Variants in SLC1A4 observed in about 807,000 individuals in gnomAD.
The protein encoded by SLC1A4 is neutral amino acid transporter A.
SLC1A4 carries 19 observed loss-of-function variants against 37.7 expected under a neutral mutation model. The ratio of observed to expected loss-of-function variants is 0.50; its 90% CI spans 0.35 to 0.74. The LOEUF is 0.74. SLC1A4 is among the 30% of genes least tolerant of loss of function. SLC1A4 has a pLI of 0.01. For synonymous variants in SLC1A4, 299 were observed against 309.8 expected (o/e 0.97, Z 0.37); for missense variants, 570 against 712.9 (o/e 0.80, Z 2.28).
At chr2:65,004,888 A>C (rs1296761496) in intron 3 of SLC1A4, among the ~76,000 whole-genome samples, 2 of 152,212 alleles carry the variant, frequency 1.3e-5, no homozygotes, top group Non-Finnish European at 2.9e-5. Flanking sequence ...TTTGAAATAC[A>C]TGCTAAATAA....
chr2:65,021,497 A>C lies in SLC1A4; in HGVS notation c.*351A>C. On this transcript the variant is annotated 3_prime_UTR_variant, in exon 8 of 8. Coordinates refer to ENST00000234256, the MANE Select transcript of SLC1A4 (RefSeq NM_003038.5). ...CTTGGAAAAAATGCAGATGTATTTC[A>C]CTCTCCCCGGTCAGCTCTGCATCAG... 1 of 255,378 alleles carries C rather than the reference A, an allele frequency of 3.9e-6. No individual in the cohort carries two copies. Among genetic ancestry groups the C allele is most frequent in the Non-Finnish European group, 7.5e-6 (1 of 132,620 alleles). The allele number at this position is 255,378 out of a possible 1,614,324, so 15.8% of individuals were successfully genotyped here.
chr2:64,989,184 C>T (rs1241419926), upstream of SLC1A4, among the ~76,000 whole-genome samples: 1 of 151,616 alleles, frequency 6.6e-6, no homozygotes, highest in Admixed American at 6.6e-5. Flanking sequence ...CCCGCGGCCT[C>T]GGGTGGAGCC....
chr2:65,016,381 C>T, intron 4 of SLC1A4, 59 bp from the exon 5 acceptor site: 1 of 1,341,182 alleles, frequency 7.5e-7, no homozygotes, highest in Non-Finnish European at 1.1e-6. Flanking sequence ...CAGGAAGGAC[C>T]TGCATCTCTC....
chr2:65,019,245 T>G (rs908949996), intron 7 of SLC1A4, among the ~76,000 whole-genome samples: 1 of 152,210 alleles, frequency 6.6e-6, no homozygotes, highest in Non-Finnish European at 1.5e-5. Flanking sequence ...TGATACCTTT[T>G]GCAGGCATGA....
At chr2:65,004,832 G>A (rs1238467977) in intron 3 of SLC1A4, among the ~76,000 whole-genome samples, 1 of 152,090 alleles carries the variant, frequency 6.6e-6, no homozygotes, top group Admixed American at 6.6e-5. Context: ...TGAGATAGAA[G>A]TCAACTAAAT....
Position 65,018,592 on chromosome 2 carries a change from G to C in SLC1A4, c.1277G>C (p.Gly426Ala). 4 of 1,614,210 alleles carry C rather than the reference G, an allele frequency of 2.5e-6. No individual in the cohort carries two copies. The South Asian group carries it at 3.3e-5, about 13-fold the overall frequency. The change falls in exon 7 of 8, where the codon GGA (glycine) becomes GCA (alanine). Residue 426 changes from glycine (G) to alanine (A), a missense_variant. By Grantham distance (60) the Gly-to-Ala change is moderately conservative (BLOSUM62 0). Transcript: ENST00000234256. This position sits in a 1 kb window ranked among gnomAD's most constrained non-coding sequence, Gnocchi z 4.3. Reference sequence around the variant, plus strand: ...GTTGGAGCAGCAGGCGTGCCAGCTGGAGGGGTCCTCACCATTGCCATTATC... The same window carrying C: ...GTTGGAGCAGCAGGCGTGCCAGCTGCAGGGGTCCTCACCATTGCCATTATC... ...SSVGAAGVPA[G>A]GVLTIAIILE...
In SLC1A4 at chr2:65,022,277, T is replaced by G. The variant is rs1280583144; in HGVS notation, c.*1131T>G. 6.6e-6 allele frequency: 1 copy of G among 152,260 alleles called. No individual in the cohort carries two copies. The highest frequency in any genetic ancestry group is 1.5e-5 in the Non-Finnish European group (1 of 68,038). 9.4% of individuals were successfully genotyped at this position (152,260 alleles called of 1,614,324 possible). On this transcript the variant is annotated 3_prime_UTR_variant, in exon 8 of 8. Transcript: ENST00000234256. Reference sequence around the variant, plus strand: ...GCCAGTACATCCAAGTTTAAAATTATCAGCGAAATGGTCCATGTTTTTCCA... The same window carrying G: ...GCCAGTACATCCAAGTTTAAAATTAGCAGCGAAATGGTCCATGTTTTTCCA...
intron 2 of SLC1A4, among the ~76,000 whole-genome samples, chr2:65,001,813 C>CT (rs567354000): frequency 5.3e-5 from 8 of 152,130 alleles, no homozygotes; most frequent in Non-Finnish European, 7.4e-5. Flanking sequence ...ACACTTTTAT[C>CT]TTTTTTTCTG....
At chr2:64,998,935 G>C (rs999567593) in intron 1 of SLC1A4, among the ~76,000 whole-genome samples, 6 of 152,180 alleles carry the variant, frequency 3.9e-5, no homozygotes, top group African/African-American at 1.4e-4. Flanking sequence ...CATGGAAAGA[G>C]AAACTTAGAG....
intron 1 of SLC1A4, among the ~76,000 whole-genome samples, chr2:64,998,542 G>A (rs916260627): frequency 4.6e-5 from 7 of 152,142 alleles, no homozygotes; most frequent in Non-Finnish European, 8.8e-5. Context: ...TTGGGGGGCA[G>A]AAGTTGCTCT....
upstream of SLC1A4, among the ~76,000 whole-genome samples, chr2:64,988,970 G>A (rs1672914625): frequency 6.6e-6 from 1 of 152,148 alleles, no homozygotes; most frequent in South Asian, 2.1e-4. Flanking sequence ...TCCTCAGGAG[G>A]AGGAACGCCG....
rs1433278795 is a variant in SLC1A4 at position 65,018,901 on chromosome 2, AC to A, written c.1364+224del. The stretch of plus-strand genomic sequence containing the variant: ...CCAGGAATGACCATGAGATGTCATT[AC>A]CAAGAACTTGCTTATAGCATCCAGT... On this transcript the variant is annotated intron_variant, in intron 7 of 7. Transcript: ENST00000234256. The surrounding 1 kb of genome is among the most constrained non-coding windows in gnomAD (Gnocchi z 4.3). 6.6e-6 allele frequency among the ~76,000 whole-genome samples: 1 copy of A among 152,234 alleles called. No homozygotes were observed. The highest frequency in any genetic ancestry group is 1.5e-5 in the Non-Finnish European group (1 of 68,042).
At chr2:65,019,231 C>G (rs1674311538) in intron 7 of SLC1A4, among the ~76,000 whole-genome samples, 1 of 152,198 alleles carries the variant, frequency 6.6e-6, no homozygotes, top group Non-Finnish European at 1.5e-5. Flanking sequence ...TTCCTTGAGT[C>G]ACATGATACC....
chr2:65,008,282 C>G (rs1349517994), intron 3 of SLC1A4, among the ~76,000 whole-genome samples: 4 of 152,194 alleles, frequency 2.6e-5, no homozygotes. Context: ...TCTCCCCCAG[C>G]TTTCAGCTAT....
chr2:65,014,793 T>C (rs758691298), intron 4 of SLC1A4, among the ~76,000 whole-genome samples: 1 of 152,264 alleles, frequency 6.6e-6, no homozygotes, highest in African/African-American at 2.4e-5. Flanking sequence ...CCACAAAGTA[T>C]GTTTGCAGTG....
At chr2:65,001,770 TG>T (rs1673466243) in intron 2 of SLC1A4, among the ~76,000 whole-genome samples, 3 of 152,246 alleles carry the variant, frequency 2.0e-5, no homozygotes, top group Admixed American at 6.5e-5. Context: ...ATTTTGGGGA[TG>T]TCTTAAATAT....
At chr2:65,008,426 C>A (rs1673770836) in intron 3 of SLC1A4, among the ~76,000 whole-genome samples, 1 of 152,064 alleles carries the variant, frequency 6.6e-6, no homozygotes, top group Non-Finnish European at 1.5e-5. Context: ...TCACTTAAGC[C>A]CAGGAGTTTG....
chr2:65,001,509 C>T lies in SLC1A4; in HGVS notation c.570+19C>T. On this transcript the variant is annotated intron_variant, in intron 2 of 7. Transcript: ENST00000234256. ...CCGTACGGTAAGGCTTGATACTTTG[C>T]TAAAAATATGAAACTTTGATGGAAG... is the stretch of plus-strand genomic sequence containing the variant. 1 of 1,607,980 alleles carries T rather than the reference C, an allele frequency of 6.2e-7. No homozygotes were observed. Among genetic ancestry groups the T allele is most frequent in the African/African-American group, 1.3e-5 (1 of 74,888 alleles).
chr2:65,013,219 T>G (rs1217076485), intron 4 of SLC1A4, among the ~76,000 whole-genome samples: 1 of 152,014 alleles, frequency 6.6e-6, no homozygotes, highest in Non-Finnish European at 1.5e-5. Flanking sequence ...ATTTGCATTT[T>G]GTTTTGTTTT....
Sources: allele counts gnomAD v4.1 joint callset (sites outside exome capture counted in the v4.1 genomes callset), GRCh38; gene constraint gnomAD v4.1.1; non-coding constraint Gnocchi (gnomAD v3.1); transcripts MANE v1.5; gene names NCBI Gene and HGNC (gene_info 2026-07-23, HGNC 2026-07-21).